The following SUPT3H variants were observed in gnomAD, a reference collection of about 807,000 sequenced individuals.
The protein encoded by SUPT3H is transcription initiation protein SPT3 homolog.
SUPT3H carries 44 observed loss-of-function variants against 44.3 expected under a neutral mutation model. That is an observed-to-expected ratio of 0.99 (90% CI 0.78 to 1.28). The LOEUF (loss-of-function observed/expected upper bound fraction) is 1.28. SUPT3H is among the 50% of genes most tolerant of loss of function. The probability of loss-of-function intolerance (pLI) is 0.00; values close to 1 mark genes in which losing one functional copy is unlikely to be tolerated. For missense variants in SUPT3H, 380 were observed against 387.1 expected (o/e 0.98, Z 0.15); for synonymous variants, 124 against 125.6 (o/e 0.99, Z 0.09).
At chr6:45,141,342 A>AC (rs1253991217) in intron 2 of SUPT3H, among the ~76,000 whole-genome samples, 1 of 148,464 alleles carries the variant, frequency 6.7e-6, no homozygotes, top group Non-Finnish European at 1.5e-5. Context: ...CCATCTCAAA[A>AC]AAAAAAAAAA....
chr6:44,848,425 A>G (rs1772281325), intron 10 of SUPT3H, among the ~76,000 whole-genome samples: 1 of 152,220 alleles, frequency 6.6e-6, no homozygotes, highest in Admixed American at 6.5e-5. Flanking sequence ...GACAGGCCCC[A>G]GGCATCAATT....
chr6:45,312,039 T>G (rs1282601894), intron 2 of SUPT3H, among the ~76,000 whole-genome samples: 1 of 152,112 alleles, frequency 6.6e-6, no homozygotes, highest in Non-Finnish European at 1.5e-5. Flanking sequence ...AATTGCAGAA[T>G]AGGTAAGAAC....
intron 2 of SUPT3H, among the ~76,000 whole-genome samples, chr6:45,349,669 T>C (rs150441355): frequency 8.5e-5 from 13 of 152,354 alleles, no homozygotes; most frequent in South Asian, 2.1e-4. Context: ...TCACTGGTTT[T>C]CATCAATTTG....
chr6:45,027,541 G>A (rs568170638), intron 3 of SUPT3H, among the ~76,000 whole-genome samples: 1 of 152,170 alleles, frequency 6.6e-6, no homozygotes, highest in East Asian at 1.9e-4. Flanking sequence ...AAGTAATCTA[G>A]TGTTTTATCT....
chr6:44,871,090 C>T (rs1776371565), intron 10 of SUPT3H, among the ~76,000 whole-genome samples: 1 of 150,688 alleles, frequency 6.6e-6, no homozygotes, highest in South Asian at 2.1e-4. Flanking sequence ...CGCCATTGCC[C>T]AGGCTTGCTT....
At chr6:45,021,507 G>C (rs1289624228) in intron 3 of SUPT3H, among the ~76,000 whole-genome samples, 1 of 151,882 alleles carries the variant, frequency 6.6e-6, no homozygotes, top group African/African-American at 2.4e-5. Context: ...CTATAAAAAT[G>C]TGTCTGTAAC....
At chr6:44,962,342 C>G (rs891551393) in intron 6 of SUPT3H, among the ~76,000 whole-genome samples, 8 of 152,068 alleles carry the variant, frequency 5.3e-5, no homozygotes, top group Admixed American at 4.6e-4. Flanking sequence ...TAATCTGAGT[C>G]CAGGTATGAT....
chr6:44,913,620 T>C (rs1409506964), intron 10 of SUPT3H, among the ~76,000 whole-genome samples: 1 of 152,162 alleles, frequency 6.6e-6, no homozygotes, highest in Non-Finnish European at 1.5e-5. Flanking sequence ...AATTGATGAC[T>C]ACACATAAAA....
At chr6:45,022,610 T>C (rs1053917183) in intron 3 of SUPT3H, among the ~76,000 whole-genome samples, 3 of 152,006 alleles carry the variant, frequency 2.0e-5, no homozygotes, top group Non-Finnish European at 2.9e-5. Flanking sequence ...TTGTCTGCCT[T>C]GGACCTCTGC....
chr6:45,077,332 A>C lies in SUPT3H; in HGVS notation c.186+28590T>G, dbSNP rs1301114961. Among the ~76,000 whole-genome samples, 3 of 152,154 alleles carry C rather than the reference A, an allele frequency of 2.0e-5. No individual in the cohort carries two copies. The East Asian group carries it at 5.8e-4, about 29-fold the overall frequency. ...GGATTTTGCTTATGATAGGTGTTTA[A>C]GAAATGTTCATAGGCTGGGCATGGT... On this transcript the variant is annotated intron_variant, in intron 3 of 10. Coordinates refer to ENST00000371459, the MANE Select transcript of SUPT3H (RefSeq NM_003599.4).
intron 4 of SUPT3H, among the ~76,000 whole-genome samples, chr6:45,016,071 CT>C (rs1445865020): frequency 1.3e-5 from 2 of 152,060 alleles, no homozygotes; most frequent in Non-Finnish European, 2.9e-5. Context: ...CATTTATTAT[CT>C]TTATCAAGTA....
intron 2 of SUPT3H, among the ~76,000 whole-genome samples, chr6:45,151,570 C>T (rs1191388372): frequency 6.6e-6 from 1 of 152,050 alleles, no homozygotes; most frequent in African/African-American, 2.4e-5. Context: ...CCCTTAGAAA[C>T]AGAAAGTTAA....
intron 7 of SUPT3H, among the ~76,000 whole-genome samples, chr6:44,956,981 C>A (rs1421008506): frequency 6.6e-6 from 1 of 152,124 alleles, no homozygotes; most frequent in African/African-American, 2.4e-5. Flanking sequence ...GCGTATGTAA[C>A]CTTTAGTTAA....
chr6:45,311,513 C>T (rs945853366), intron 2 of SUPT3H, among the ~76,000 whole-genome samples: 1 of 152,170 alleles, frequency 6.6e-6, no homozygotes, highest in Admixed American at 6.5e-5. Flanking sequence ...ACACTGTCGT[C>T]AGGTTATCCA....
intron 2 of SUPT3H, among the ~76,000 whole-genome samples, chr6:45,345,423 T>C (rs1005978502): frequency 3.3e-5 from 5 of 152,160 alleles, no homozygotes; most frequent in Admixed American, 6.5e-5. Context: ...TCAATTTCCA[T>C]TTTTTAATCC....
intron 2 of SUPT3H, among the ~76,000 whole-genome samples, chr6:45,317,033 C>G (rs1021114648): frequency 2.6e-5 from 4 of 151,118 alleles, no homozygotes; most frequent in Admixed American, 2.0e-4. Context: ...TCAAGACCAG[C>G]CTGGGCAACA....
At chr6:45,302,536 T>C (rs955549256) in intron 2 of SUPT3H, among the ~76,000 whole-genome samples, 2 of 132,228 alleles carry the variant, frequency 1.5e-5, no homozygotes, top group South Asian at 2.5e-4. Context: ...TATATATATA[T>C]ATATATATAT....
At chr6:45,372,871 G>A (rs1363984214) in intron 1 of SUPT3H, among the ~76,000 whole-genome samples, 1 of 152,048 alleles carries the variant, frequency 6.6e-6, no homozygotes, top group African/African-American at 2.4e-5. Flanking sequence ...AGGCTGTAGT[G>A]TAATGGCACA....
chr6:44,978,935 T>C (rs546290425), intron 6 of SUPT3H, among the ~76,000 whole-genome samples: 2 of 152,312 alleles, frequency 1.3e-5, no homozygotes, highest in South Asian at 4.1e-4. Context: ...AATGAAAATA[T>C]GTCCTTGCCA....
Sources: gnomAD v4.1 joint callset for allele counts (sites outside exome capture counted in the v4.1 genomes callset) on GRCh38, gnomAD v4.1.1 for gene constraint, MANE v1.5 for transcripts, NCBI Gene and HGNC (gene_info 2026-07-23, HGNC 2026-07-21) for gene names.